Variants in WWOX observed in about 807,000 individuals in gnomAD.
WWOX encodes WW domain containing oxidoreductase, also known as WW domain-containing oxidoreductase.
Under a neutral mutation model 46.2 loss-of-function variants are expected in WWOX, and 69 were observed. That is an observed-to-expected ratio of 1.49 (90% confidence interval 1.23 to 1.82). WWOX has a LOEUF of 1.82. Among genes scored for constraint, WWOX ranks in the 40% most tolerant of loss-of-function variants. The pLI is 0.00. For synonymous variants in WWOX, 359 were observed against 202.6 expected, an observed-to-expected ratio of 1.77 and a Z score of -6.56; for missense variants, 919 against 542.6, an observed-to-expected ratio of 1.69 and a Z score of -6.89.
intron 8 of WWOX, among the ~76,000 whole-genome samples, chr16:78,679,839 T>C (rs536687021): frequency 6.6e-6 from 1 of 152,222 alleles, no homozygotes; most frequent in Non-Finnish European, 1.5e-5. Context: ...TCAACTGTTT[T>C]AGGGGCCATG....
chr16:78,518,379 C>T (rs1413064114), intron 8 of WWOX, among the ~76,000 whole-genome samples: 1 of 151,904 alleles, frequency 6.6e-6, no homozygotes, highest in Non-Finnish European at 1.5e-5. Flanking sequence ...CTATAGGCAC[C>T]TGGCTAATTT....
At chr16:78,108,334 A>G (rs1487315779) in intron 1 of WWOX, 89 bp from the exon 2 acceptor site, 17 of 1,329,460 alleles carry the variant, frequency 1.3e-5, no homozygotes, top group South Asian at 3.8e-5. Context: ...ATATCTGGCT[A>G]TCTGGGAGAG....
chr16:78,490,694 G>C (rs1302211699), intron 8 of WWOX, among the ~76,000 whole-genome samples: 2 of 152,164 alleles, frequency 1.3e-5, no homozygotes, highest in South Asian at 2.1e-4. Flanking sequence ...TTGGCCCTCA[G>C]TTCTCCGTCC....
At chr16:78,513,954 A>T (rs572823154) in intron 8 of WWOX, among the ~76,000 whole-genome samples, 1 of 146,484 alleles carries the variant, frequency 6.8e-6, no homozygotes, top group East Asian at 2.0e-4. Context: ...TCCATTGGGA[A>T]ACTCTTCCCT....
chr16:78,587,189 C>T (rs1209585220), intron 8 of WWOX, among the ~76,000 whole-genome samples: 2 of 122,302 alleles, frequency 1.6e-5, no homozygotes, highest in East Asian at 4.9e-4. Flanking sequence ...CCATGCCTGG[C>T]TAACTTTTTT....
intron 8 of WWOX, among the ~76,000 whole-genome samples, chr16:78,927,473 A>T (rs2045525034): frequency 6.6e-6 from 1 of 152,184 alleles, no homozygotes; most frequent in Non-Finnish European, 1.5e-5. Context: ...TTCTCTTTTC[A>T]TCCCCTTGCC....
chr16:78,315,329 C>T (rs1309608213), intron 5 of WWOX, among the ~76,000 whole-genome samples: 3 of 152,012 alleles, frequency 2.0e-5, no homozygotes, highest in African/African-American at 4.8e-5. Flanking sequence ...TAGAGGATAA[C>T]TCTGTAGTTT....
In WWOX at chr16:78,715,295, G is replaced by C. The variant is rs544242879; in HGVS notation, c.1056+282543G>C. Among the ~76,000 whole-genome samples, 6 of 152,266 alleles carry C rather than the reference G, an allele frequency of 3.9e-5. No homozygotes were observed. In the South Asian group the frequency reaches 1.2e-3, roughly 32 times the overall value. On this transcript the variant is annotated intron_variant, in intron 8 of 8. Transcript: ENST00000566780. ...ATAAGAAGCTGAGAGGGAGGCAATT[G>C]CTGTCACTGGTCCAGCCGGCTCAGC...
At chr16:78,416,374 A>C (rs985536088) in intron 6 of WWOX, among the ~76,000 whole-genome samples, 2 of 152,188 alleles carry the variant, frequency 1.3e-5, no homozygotes, top group African/African-American at 4.8e-5. Context: ...TTTACAATTA[A>C]AACAAAGTCA....
At chr16:78,473,823 A>G (rs2084290512) in intron 8 of WWOX, among the ~76,000 whole-genome samples, 1 of 152,110 alleles carries the variant, frequency 6.6e-6, no homozygotes, top group South Asian at 2.1e-4. Context: ...CTCTAAGATG[A>G]TCCAGCTGTT....
intron 8 of WWOX, among the ~76,000 whole-genome samples, chr16:78,681,067 G>T (rs9927215): frequency 0.11 from 16,156 of 152,180 alleles, 1,040 homozygotes; most frequent in East Asian, 0.18. Context: ...TGGCTAACAT[G>T]GTGAAACCCC....
intron 8 of WWOX, among the ~76,000 whole-genome samples, chr16:78,661,285 G>A (rs1034564681): frequency 9.2e-5 from 14 of 152,120 alleles, no homozygotes; most frequent in Non-Finnish European, 1.8e-4. Flanking sequence ...CCATTGACAG[G>A]TCCCACAAGT....
At chr16:78,307,575 C>T (rs1362811141) in intron 5 of WWOX, among the ~76,000 whole-genome samples, 1 of 152,210 alleles carries the variant, frequency 6.6e-6, no homozygotes, top group Non-Finnish European at 1.5e-5. Flanking sequence ...AAGGAACCAG[C>T]TGTGCTGACA....
chr16:78,411,337 A>C (rs75412842), intron 6 of WWOX, among the ~76,000 whole-genome samples: 1 of 152,036 alleles, frequency 6.6e-6, no homozygotes, highest in African/African-American at 2.4e-5. Context: ...ATATATTGCT[A>C]ATGGATTTTA....
chr16:78,611,366 G>A (rs910215587), intron 8 of WWOX, among the ~76,000 whole-genome samples: 4 of 152,218 alleles, frequency 2.6e-5, no homozygotes, highest in African/African-American at 4.8e-5. Context: ...TTGAGGATGG[G>A]GCTGGGGGCC....
chr16:78,671,323 G>A (rs924498722), intron 8 of WWOX, among the ~76,000 whole-genome samples: 1 of 152,204 alleles, frequency 6.6e-6, no homozygotes, highest in African/African-American at 2.4e-5. Context: ...TACTTGGGAG[G>A]CTGGGATGGA....
At chr16:79,066,811 A>C (rs548570063) in intron 8 of WWOX, among the ~76,000 whole-genome samples, 2 of 152,138 alleles carry the variant, frequency 1.3e-5, no homozygotes, top group Non-Finnish European at 2.9e-5. Context: ...GTACCATACA[A>C]ATGTGGCTTG....
At chr16:78,735,985 G>C (rs1284992479) in intron 8 of WWOX, among the ~76,000 whole-genome samples, 1 of 152,188 alleles carries the variant, frequency 6.6e-6, no homozygotes, top group Non-Finnish European at 1.5e-5. Context: ...GCCACCTCAA[G>C]CGATTCTGGC....
In WWOX at chr16:78,871,307, G is replaced by A. The variant is rs539948213; in HGVS notation, c.1057-340301G>A. On this transcript the variant is annotated intron_variant, in intron 8 of 8. Transcript: ENST00000566780. ...ACCTGTATGCACTGCTGAACCTGCT[G>A]AATAACCATGTCACAGTGGCAGGAG... Among the ~76,000 whole-genome samples, 247 of 152,148 alleles carry A rather than the reference G, an allele frequency of 1.6e-3. 1 individual carries two copies. Among genetic ancestry groups the A allele is most frequent in the African/African-American group, 5.7e-3 (238 of 41,500 alleles).
Sources: allele counts gnomAD v4.1 joint callset (sites outside exome capture counted in the v4.1 genomes callset), GRCh38; gene constraint gnomAD v4.1.1; transcripts MANE v1.5; gene names NCBI Gene and HGNC (gene_info 2026-07-23, HGNC 2026-07-21).